GRK1: variants seen among roughly 807,000 people sequenced by gnomAD.
The protein encoded by GRK1 is G protein-coupled receptor kinase 1.
GRK1 carries 28 observed loss-of-function variants against 41.7 expected under a neutral mutation model. The observed-to-expected ratio is 0.67, with a 90% CI of 0.50 to 0.92. The LOEUF (loss-of-function observed/expected upper bound fraction) is 0.92. Ranked by LOEUF, GRK1 falls within the 40% of genes least tolerant of loss-of-function variation. The pLI is 0.00. For synonymous variants in GRK1, 327 were observed against 286.7 expected (o/e 1.14, Z -1.42); for missense variants, 703 against 671.2 (o/e 1.05, Z -0.52).
chr13:113,660,585 C>T, the GRK1 span, among the ~76,000 whole-genome samples: 22 of 152,342 alleles, frequency 1.4e-4, no homozygotes, highest in East Asian at 4.2e-3. Flanking sequence ...TAATACAAAG[C>T]TGGGTGTTTT....
chr13:113,734,054 G>C (rs1426559108), intron 6 of GRK1, among the ~76,000 whole-genome samples: 1 of 151,510 alleles, frequency 6.6e-6, no homozygotes, highest in African/African-American at 2.4e-5. Context: ...GTGCATACGT[G>C]TGTGTGCATG....
the GRK1 span, among the ~76,000 whole-genome samples, chr13:113,658,757 G>T: frequency 6.6e-6 from 1 of 152,208 alleles, no homozygotes; most frequent in African/African-American, 2.4e-5. Flanking sequence ...ACCCAGAGCA[G>T]CAATAGCCTC....
chr13:113,734,289 C>G (rs139668830), intron 6 of GRK1, among the ~76,000 whole-genome samples: 9 of 152,126 alleles, frequency 5.9e-5, no homozygotes, highest in Non-Finnish European at 1.2e-4. Context: ...GCAGGCCCAG[C>G]GAGGCAAGGA....
chr13:113,652,609 C>T, the GRK1 span: 1 of 538,896 alleles, frequency 1.9e-6, no homozygotes, highest in South Asian at 1.9e-5. Context: ...GGGCCCTGGC[C>T]TTGCAGAGAC....
the GRK1 span, among the ~76,000 whole-genome samples, chr13:113,652,012 T>C: frequency 6.6e-6 from 1 of 150,790 alleles, no homozygotes; most frequent in Non-Finnish European, 1.5e-5. Context: ...GGCGGGGTGG[T>C]CTTAGCCCTC....
At chr13:113,650,380 G>C in the GRK1 span, 1 of 1,598,900 alleles carries the variant, frequency 6.3e-7, no homozygotes, top group Non-Finnish European at 8.6e-7. This position sits in a 1 kb window ranked among gnomAD's most constrained non-coding sequence, Gnocchi z 5.0. Flanking sequence ...GCTGTGGTGA[G>C]GGAAGCGTGG....
chr13:113,655,631 C>T, the GRK1 span, among the ~76,000 whole-genome samples: 37 of 152,176 alleles, frequency 2.4e-4, no homozygotes, highest in Non-Finnish European at 3.7e-4. Flanking sequence ...GTGCTGTCTT[C>T]GTCTCTGTAA....
chr13:113,653,849 A>G, the GRK1 span, among the ~76,000 whole-genome samples: 61 of 152,272 alleles, frequency 4.0e-4, no homozygotes, highest in African/African-American at 1.5e-3. Flanking sequence ...AAAACTGAAC[A>G]TCAGGATGCA....
chr13:113,656,480 C>T, the GRK1 span, among the ~76,000 whole-genome samples: 38 of 152,294 alleles, frequency 2.5e-4, no homozygotes, highest in African/African-American at 8.7e-4. Context: ...GGCCCAGGCT[C>T]GGGAGGGCCA....
Position 113,667,535 on chromosome 13 carries a change from T to C in GRK1, c.149T>C (p.Leu50Pro). 8.1e-6 allele frequency: 13 copies of C among 1,613,436 alleles called. No homozygotes were observed. The highest frequency in any genetic ancestry group is 1.1e-5 in the Non-Finnish European group (13 of 1,179,856). Residue 50 changes from leucine to proline, a missense_variant, in exon 1 of 7, where the codon CTC becomes CCC. Coordinates refer to ENST00000335678, the MANE Select transcript of GRK1 (RefSeq NM_002929.3). This position sits in a 1 kb window ranked among gnomAD's most constrained non-coding sequence, Gnocchi z 7.5. ...KLPPLSKCES[L>P]RDSLSLEFES... ...CCCCCGCTGTCCAAGTGTGAGTCCC[T>C]CCGCGACAGCCTCAGCCTGGAGTTT...
chr13:113,723,065 G>A lies in GRK1; in HGVS notation c.986-9G>A. 1.4e-6 allele frequency: 1 copy of A among 700,288 alleles called. No homozygotes were observed. Among genetic ancestry groups the A allele is most frequent in the East Asian group, 2.7e-5 (1 of 37,118 alleles). 43.4% of individuals were successfully genotyped at this position (700,288 alleles called of 1,614,324 possible). ...GCAGCCAGGGGTGACTCCGCTATCT[G>A]CCTCTCAGGCAATGTCCGGATCTCT... On this transcript the variant is annotated splice_polypyrimidine_tract_variant and intron_variant, in intron 3 of 6. Coordinates refer to ENST00000335678, the MANE Select transcript of GRK1 (RefSeq NM_002929.3).
Position 113,732,961 on chromosome 13 carries a change from G to C in GRK1, c.1272G>C (p.Lys424Asn). The C allele has an allele frequency of 6.5e-7, 1 of 1,537,084 alleles. No homozygotes were observed. The highest frequency in any genetic ancestry group is 8.7e-7 in the Non-Finnish European group (1 of 1,146,918). ...KYPDKFSQASKDFCEALLEKD... is the reference protein window; with the variant it reads ...KYPDKFSQASNDFCEALLEKD... ...CTGATAAGTTCAGCCAGGCCAGCAA[G>C]GACTTCTGCGAGGCGCTGCTGGAGA... The change falls in exon 6 of 7, where the codon AAG (lysine) becomes AAC (asparagine). Residue 424 changes from lysine (K) to asparagine (N), a missense_variant. Coordinates refer to ENST00000335678, the MANE Select transcript of GRK1 (RefSeq NM_002929.3).
At chr13:113,662,870 A>G (rs2049797635), upstream of GRK1, among the ~76,000 whole-genome samples, 1 of 152,220 alleles carries the variant, frequency 6.6e-6, no homozygotes, top group African/African-American at 2.4e-5. Flanking sequence ...AATCTCCCCA[A>G]ATTGATATAG....
the GRK1 span, among the ~76,000 whole-genome samples, chr13:113,650,187 TGAA>T: frequency 1.3e-5 from 2 of 150,178 alleles, no homozygotes; most frequent in African/African-American, 4.9e-5. This position sits in a 1 kb window ranked among gnomAD's most constrained non-coding sequence, Gnocchi z 5.0. Context: ...AAAAAAAAGT[TGAA>T]GAGTTAGAGT....
Position 113,669,720 on chromosome 13 carries a change from G to A in GRK1, c.733G>A (p.Val245Ile). 1.9e-6 allele frequency: 3 copies of A among 1,614,028 alleles called. No homozygotes were observed. Among genetic ancestry groups the A allele is most frequent in the South Asian group, 1.1e-5 (1 of 91,086 alleles). ...AMVEKKILMK[V>I]HSRFIVSLAY... ...GGTGGAGAAGAAGATTCTGATGAAA[G>A]TACACAGCAGGTTCATCGTGTCTCT... The change falls in exon 2 of 7, where the codon GTA becomes ATA. Residue 245 changes from valine to isoleucine, a missense_variant. Physicochemically the swap from Val to Ile is conservative, Grantham distance 29 (BLOSUM62 3). Coordinates refer to ENST00000335678, the MANE Select transcript of GRK1 (RefSeq NM_002929.3).
At chr13:113,649,932 G>A in the GRK1 span, among the ~76,000 whole-genome samples, 3 of 152,154 alleles carry the variant, frequency 2.0e-5, no homozygotes, top group Admixed American at 2.0e-4. The surrounding 1 kb of genome is among the most constrained non-coding windows in gnomAD (Gnocchi z 4.7). Context: ...GGAGCCTGAG[G>A]CAGGCTGATT....
chr13:113,649,383 A>G, the GRK1 span: 2 of 1,594,330 alleles, frequency 1.3e-6, no homozygotes. The surrounding 1 kb of genome is among the most constrained non-coding windows in gnomAD (Gnocchi z 4.7). Flanking sequence ...TTCACTTCTC[A>G]ATCTTGAGTT....
At position 113,731,378 on chromosome 13, in the gene GRK1, C is replaced by T. The variant is rs1325728184; in HGVS notation, c.1194+35C>T. 1 of 1,536,036 alleles carries T rather than the reference C, an allele frequency of 6.5e-7. No individual in the cohort carries two copies. Among genetic ancestry groups the T allele is most frequent in the Admixed American group, 2.0e-5 (1 of 50,946 alleles). The stretch of plus-strand genomic sequence containing the variant: ...GGCCGGCAGGTGTCTCTGCAGCCAC[C>T]TTGGCGCCCTGGCTCTCGATGGGGA... On this transcript the variant is annotated intron_variant, in intron 5 of 6. Transcript: ENST00000335678. This position sits in a 1 kb window ranked among gnomAD's most constrained non-coding sequence, Gnocchi z 5.6.
At position 113,733,097 on chromosome 13, in the gene GRK1, C is replaced by A. The variant is rs545619671; in HGVS notation, c.1396+12C>A. The A allele has an allele frequency of 1.3e-6, 2 of 1,532,476 alleles. No homozygotes were observed. Among genetic ancestry groups the A allele is most frequent in the Non-Finnish European group, 1.7e-6 (2 of 1,144,574 alleles). 94.9% of individuals were successfully genotyped at this position (1,532,476 alleles called of 1,614,324 possible). On this transcript the variant is annotated intron_variant, in intron 6 of 6. Coordinates refer to ENST00000335678, the MANE Select transcript of GRK1 (RefSeq NM_002929.3). Reference sequence around the variant, plus strand: ...GCAGCTGGAGGCTGGTACTGTTGGACGCCTCAGCCCCGGAGAGGGTGGGGT... The same window carrying A: ...GCAGCTGGAGGCTGGTACTGTTGGAAGCCTCAGCCCCGGAGAGGGTGGGGT...
Sources: gnomAD v4.1 joint callset for allele counts (sites outside exome capture counted in the v4.1 genomes callset) on GRCh38, gnomAD v4.1.1 for gene constraint, Gnocchi (gnomAD v3.1) non-coding constraint, MANE v1.5 for transcripts, NCBI Gene and HGNC (gene_info 2026-07-23, HGNC 2026-07-21) for gene names.